The following CCDC33 variants were observed in gnomAD, a reference collection of about 807,000 sequenced individuals.
CCDC33 encodes the protein coiled-coil domain containing 33, also known as coiled-coil domain-containing protein 33.
Under a neutral mutation model 91.9 loss-of-function variants are expected in CCDC33, and 94 were observed. The observed-to-expected ratio is 1.02, with a 90% confidence interval of 0.87 to 1.21. The LOEUF (loss-of-function observed/expected upper bound fraction) is 1.21. Among genes scored for constraint, CCDC33 ranks in the 50% most tolerant of loss-of-function variants. The pLI is 0.00. For missense variants in CCDC33, 940 were observed against 935.5 expected (o/e 1.00, Z -0.06); for synonymous variants, 396 against 374.5 (o/e 1.06, Z -0.66).
intron 2 of CCDC33, among the ~76,000 whole-genome samples, chr15:74,248,512 T>G (rs538194488): frequency 1.3e-5 from 2 of 152,230 alleles, no homozygotes; most frequent in African/African-American, 4.8e-5. Flanking sequence ...TCCTTCTCTC[T>G]GGGTTTGTTG....
chr15:74,217,195 G>C, upstream of CCDC33: 1 of 1,099,570 alleles, frequency 9.1e-7, no homozygotes, highest in Non-Finnish European at 1.2e-6. Flanking sequence ...CAGCCTGCAG[G>C]CTTTCAGACT....
At chr15:74,226,869 G>A (rs938362559) in intron 2 of CCDC33, among the ~76,000 whole-genome samples, 1 of 152,068 alleles carries the variant, frequency 6.6e-6, no homozygotes, top group Non-Finnish European at 1.5e-5. Context: ...GAGCAAAGGC[G>A]TGGAGGTATT....
rs181155123 is a variant in CCDC33, at chr15:74,294,910, G to A, written c.1096-844G>A. Among the ~76,000 whole-genome samples, 5 of 152,260 alleles carry A rather than the reference G, an allele frequency of 3.3e-5. No homozygotes were observed. The East Asian group carries it at 9.6e-4, about 29-fold the overall frequency. On this transcript the variant is annotated intron_variant, in intron 10 of 18. Transcript: ENST00000398814. ...CGGTGGGGGTGCTGGTATTTGAGTGGCATCAGACTTTAGACATATGACAGT... is the reference window on the plus strand; with the variant it reads ...CGGTGGGGGTGCTGGTATTTGAGTGACATCAGACTTTAGACATATGACAGT...
At chr15:74,282,425 A>G (rs906282739) in intron 10 of CCDC33, among the ~76,000 whole-genome samples, 19 of 152,000 alleles carry the variant, frequency 1.3e-4, no homozygotes, top group African/African-American at 4.1e-4. Context: ...GCCCCCTCAC[A>G]ATGGCCCCGT....
chr15:74,212,032 C>T (rs1014087061), intron 2 of CCDC33: 13 of 152,380 alleles, frequency 8.5e-5, no homozygotes, highest in African/African-American at 3.1e-4. Flanking sequence ...CTTTTCTAAG[C>T]TAGCCTGGGC....
intron 7 of CCDC33, among the ~76,000 whole-genome samples, chr15:74,278,359 GCAATGACT>G (rs1157697177): frequency 3.3e-5 from 5 of 152,268 alleles, no homozygotes; most frequent in African/African-American, 1.2e-4. Context: ...ACCTTTTCGA[GCAATGACT>G]GATTCCTGTG....
intron 5 of CCDC33, among the ~76,000 whole-genome samples, chr15:74,269,780 G>A (rs1318618393): frequency 1.3e-5 from 2 of 150,710 alleles, no homozygotes; most frequent in Admixed American, 6.6e-5. Context: ...CTCTCCATCC[G>A]TGCGACAGGT....
At chr15:74,217,178 G>A (rs2074465929), upstream of CCDC33, 1 of 950,948 alleles carries the variant, frequency 1.1e-6, no homozygotes, top group South Asian at 1.8e-5. Flanking sequence ...GAGTGTCCCT[G>A]AGCACCCAGC....
rs918070627 is a variant in CCDC33, at chr15:74,332,700, C to G, written c.1793C>G (p.Ser598Cys). ...PYTGFPMLSA[S>C]GLPLGSMGEN... Reference sequence around the variant, plus strand: ...CTAGGCTTCCCTATGCTCTCAGCCTCTGGCCTTCCCTTGGGTTCTATGGGA... The same window carrying G: ...CTAGGCTTCCCTATGCTCTCAGCCTGTGGCCTTCCCTTGGGTTCTATGGGA... The change falls in exon 16 of 19, where the codon TCT becomes TGT. Residue 598 changes from serine to cysteine, a missense_variant. Coordinates refer to ENST00000398814, the MANE Select transcript of CCDC33 (RefSeq NM_025055.5). 1.2e-6 allele frequency: 2 copies of G among 1,614,074 alleles called. No homozygotes were observed. Among genetic ancestry groups the G allele is most frequent in the Non-Finnish European group, 1.7e-6 (2 of 1,180,012 alleles).
intron 11 of CCDC33, among the ~76,000 whole-genome samples, chr15:74,296,995 A>G (rs1567011102): frequency 6.6e-6 from 1 of 152,202 alleles, no homozygotes; most frequent in Non-Finnish European, 1.5e-5. Context: ...AGTCCAAGCC[A>G]TCCTCCTCCC....
chr15:74,313,314 G>A (rs1303035161), intron 11 of CCDC33, among the ~76,000 whole-genome samples: 1 of 151,974 alleles, frequency 6.6e-6, no homozygotes, highest in Non-Finnish European at 1.5e-5. Context: ...GAGGTTTTGG[G>A]CAGCCAACAT....
chr15:74,330,585 G>T (rs561734789), intron 12 of CCDC33, 78 bp from the exon 13 acceptor site: 1 of 1,267,050 alleles, frequency 7.9e-7, no homozygotes, highest in African/African-American at 1.5e-5. Context: ...AGGGATATCT[G>T]CCTTCCTGCT....
chr15:74,306,023 C>T (rs1219142607), intron 11 of CCDC33, among the ~76,000 whole-genome samples: 1 of 152,178 alleles, frequency 6.6e-6, no homozygotes, highest in Non-Finnish European at 1.5e-5. Flanking sequence ...TGGCACTTTG[C>T]AGGAGGCTTA....
At chr15:74,288,535 G>A (rs1290240407) in intron 10 of CCDC33, among the ~76,000 whole-genome samples, 2 of 152,222 alleles carry the variant, frequency 1.3e-5, no homozygotes, top group Non-Finnish European at 2.9e-5. Context: ...TATCAAAGCA[G>A]TGAGGGTCTG....
At chr15:74,323,614 G>A (rs1023440751) in intron 11 of CCDC33, among the ~76,000 whole-genome samples, 10 of 151,966 alleles carry the variant, frequency 6.6e-5, no homozygotes, top group Non-Finnish European at 1.3e-4. Context: ...TGCAACCTCC[G>A]CCTCCCGGGT....
At chr15:74,334,874 G>C (rs993607911) in intron 17 of CCDC33, 101 bp from the exon 18 acceptor site, 3 of 1,020,524 alleles carry the variant, frequency 2.9e-6, no homozygotes, top group Admixed American at 1.8e-5. Flanking sequence ...CCAGAGCTTT[G>C]CTTTCTGCCT....
At chr15:74,248,737 A>G (rs2075614498) in intron 2 of CCDC33, among the ~76,000 whole-genome samples, 1 of 151,984 alleles carries the variant, frequency 6.6e-6, no homozygotes, top group South Asian at 2.1e-4. Flanking sequence ...TAATAGGCAC[A>G]TCCTCCAGCC....
rs1437376225 is a variant in CCDC33 at position 74,266,764 on chromosome 15, C to G, written c.406C>G (p.Pro136Ala). The G allele has an allele frequency of 6.2e-7, 1 of 1,613,940 alleles. No individual in the cohort carries two copies. Among genetic ancestry groups the G allele is most frequent in the Non-Finnish European group, 8.5e-7 (1 of 1,179,800 alleles). ...IPIKYLRVFHPYHFELVKPTE... is the reference protein window; with the variant it reads ...IPIKYLRVFHAYHFELVKPTE... Reference sequence around the variant, plus strand: ...CATCAAGTACCTGCGTGTCTTCCACCCCTACCACTTTGAGCTGGTGAAGGT... The same window carrying G: ...CATCAAGTACCTGCGTGTCTTCCACGCCTACCACTTTGAGCTGGTGAAGGT... Residue 136 changes from proline to alanine, a missense_variant, in exon 4 of 19, where the codon CCC (proline) becomes GCC (alanine). Physicochemically the swap from Pro to Ala is conservative, Grantham distance 27. Transcript: ENST00000398814.
chr15:74,307,636 A>G (rs974383667), intron 11 of CCDC33, among the ~76,000 whole-genome samples: 1 of 151,978 alleles, frequency 6.6e-6, no homozygotes, highest in Non-Finnish European at 1.5e-5. Flanking sequence ...TTCCTAGTAA[A>G]CACCAAGACA....
Sources: gnomAD v4.1 joint callset for allele counts (sites outside exome capture counted in the v4.1 genomes callset) on GRCh38, gnomAD v4.1.1 for gene constraint, MANE v1.5 for transcripts, NCBI Gene and HGNC (gene_info 2026-07-23, HGNC 2026-07-21) for gene names.